NR6A1: variants seen among roughly 807,000 people sequenced by gnomAD.
NR6A1 encodes nuclear receptor subfamily 6 group A member 1.
A neutral mutation model predicts 59.1 loss-of-function variants in NR6A1; 7 were observed. That is an observed-to-expected ratio of 0.12 (90% CI 0.07 to 0.22). NR6A1 has a LOEUF of 0.22. Among genes scored for constraint, NR6A1 ranks in the 10% least tolerant of loss-of-function variants. NR6A1 has a pLI of 1.00. For synonymous variants in NR6A1, 243 were observed against 236.1 expected (o/e 1.03, Z -0.27); for missense variants, 468 against 611.6 (o/e 0.77, Z 2.48).
Position 124,602,776 on chromosome 9 carries a change from C to T in NR6A1, c.143-48206G>A, listed in dbSNP as rs564005040. Among the ~76,000 whole-genome samples the T allele has an allele frequency of 3.9e-5, 6 of 152,284 alleles. No homozygotes were observed. The East Asian group carries it at 9.7e-4, about 24-fold the overall frequency. On this transcript the variant is annotated intron_variant, in intron 2 of 9. Coordinates refer to ENST00000487099, the MANE Select transcript of NR6A1 (RefSeq NM_033334.4). ...AGTGTGGCATGATCTCATTGAGTCC[C>T]ATCAGTGGTTCCCAGGAACCTATGG...
intron 1 of NR6A1, among the ~76,000 whole-genome samples, chr9:124,741,848 T>G (rs765834109): frequency 3.5e-4 from 54 of 152,180 alleles, no homozygotes; most frequent in Non-Finnish European, 2.1e-4. Context: ...CTGTCGATTA[T>G]GAGTACTCAA....
intron 2 of NR6A1, among the ~76,000 whole-genome samples, chr9:124,716,112 G>A: frequency 6.6e-6 from 1 of 152,164 alleles, no homozygotes; most frequent in East Asian, 1.9e-4. Flanking sequence ...GCTGAGGCAG[G>A]AGGATTGCTT....
At chr9:124,750,787 A>T (rs934894402) in intron 1 of NR6A1, among the ~76,000 whole-genome samples, 2 of 152,014 alleles carry the variant, frequency 1.3e-5, no homozygotes, top group Non-Finnish European at 2.9e-5. Context: ...AATAAATAAA[A>T]ATCATGACCA....
chr9:124,556,018 T>C (rs1212764716), intron 2 of NR6A1, among the ~76,000 whole-genome samples: 1 of 152,246 alleles, frequency 6.6e-6, no homozygotes, highest in Admixed American at 6.5e-5. Context: ...TCTGGAGCCC[T>C]TAATATATGC....
At chr9:124,625,838 A>G (rs894572739) in intron 2 of NR6A1, among the ~76,000 whole-genome samples, 4 of 152,132 alleles carry the variant, frequency 2.6e-5, no homozygotes, top group Non-Finnish European at 4.4e-5. Context: ...ACAGAACAAA[A>G]AGACCAGCCT....
intron 2 of NR6A1, among the ~76,000 whole-genome samples, chr9:124,718,300 G>A (rs2131088482): frequency 6.6e-6 from 1 of 152,322 alleles, no homozygotes; most frequent in East Asian, 1.9e-4. Flanking sequence ...CAAGCCTCAA[G>A]CCTGACACTG....
intron 2 of NR6A1, among the ~76,000 whole-genome samples, chr9:124,729,651 T>C (rs912432948): frequency 2.0e-5 from 3 of 152,152 alleles, no homozygotes; most frequent in Non-Finnish European, 4.4e-5. Flanking sequence ...TCTTTCCCAG[T>C]CAGAATTCCC....
chr9:124,692,792 T>A (rs1265307472), intron 2 of NR6A1, among the ~76,000 whole-genome samples: 1 of 152,256 alleles, frequency 6.6e-6, no homozygotes, highest in Non-Finnish European at 1.5e-5. Context: ...CCTACATGTC[T>A]CCTAGATATG....
chr9:124,582,254 C>A (rs933101302), intron 2 of NR6A1, among the ~76,000 whole-genome samples: 1 of 151,834 alleles, frequency 6.6e-6, no homozygotes, highest in Non-Finnish European at 1.5e-5. Flanking sequence ...TAAAAAAGAA[C>A]AAGATCTGCA....
intron 2 of NR6A1, among the ~76,000 whole-genome samples, chr9:124,641,202 TAA>T (rs1279383939): frequency 6.6e-6 from 1 of 151,052 alleles, no homozygotes; most frequent in Non-Finnish European, 1.5e-5. Flanking sequence ...AAAATAAAAA[TAA>T]AAAAATTAGC....
At chr9:124,742,887 A>C (rs1458347523) in intron 1 of NR6A1, among the ~76,000 whole-genome samples, 2 of 152,344 alleles carry the variant, frequency 1.3e-5, no homozygotes, top group African/African-American at 4.8e-5. Context: ...AAAATAAAAA[A>C]TAAATTAAAA....
chr9:124,540,458 CTA>C (rs1833411375), intron 4 of NR6A1, among the ~76,000 whole-genome samples: 1 of 152,112 alleles, frequency 6.6e-6, no homozygotes, highest in African/African-American at 2.4e-5. Flanking sequence ...GTCCTTGAGG[CTA>C]TTCTTTCCTA....
At chr9:124,580,353 G>A (rs1445133093) in intron 2 of NR6A1, among the ~76,000 whole-genome samples, 3 of 152,134 alleles carry the variant, frequency 2.0e-5, no homozygotes, top group Middle Eastern at 3.4e-3. Flanking sequence ...AGGGAACAGG[G>A]AACAGATCTG....
chr9:124,530,562 C>T (rs1459135956), intron 7 of NR6A1, among the ~76,000 whole-genome samples: 3 of 152,188 alleles, frequency 2.0e-5, no homozygotes, highest in Non-Finnish European at 2.9e-5. Context: ...GGAAAACATT[C>T]CTGCCAGGAT....
intron 2 of NR6A1, among the ~76,000 whole-genome samples, chr9:124,584,113 T>G (rs1225955825): frequency 1.3e-5 from 2 of 150,656 alleles, no homozygotes; most frequent in Admixed American, 1.3e-4. Context: ...TTTTTTTTTT[T>G]GAGACAGAGT....
intron 1 of NR6A1, among the ~76,000 whole-genome samples, chr9:124,754,909 C>CTT (rs564590209): frequency 1.7e-4 from 26 of 152,202 alleles, no homozygotes; most frequent in Non-Finnish European, 3.1e-4. Flanking sequence ...ATTCCACATC[C>CTT]TTTTACCACC....
chr9:124,669,763 A>G (rs528063857), intron 2 of NR6A1, among the ~76,000 whole-genome samples: 2 of 152,208 alleles, frequency 1.3e-5, no homozygotes, highest in Admixed American at 1.3e-4. Context: ...TGCCCGGCTA[A>G]TTTTTGTATT....
At chr9:124,757,190 T>C (rs1021726252) in intron 1 of NR6A1, among the ~76,000 whole-genome samples, 8 of 151,986 alleles carry the variant, frequency 5.3e-5, no homozygotes, top group African/African-American at 1.9e-4. Context: ...TGAGGGTACA[T>C]TGAGATAGAC....
chr9:124,730,356 T>C (rs1301105485), intron 2 of NR6A1, among the ~76,000 whole-genome samples: 2 of 152,032 alleles, frequency 1.3e-5, no homozygotes, highest in African/African-American at 2.4e-5. Flanking sequence ...CCTTCTCAAG[T>C]AGGTGGGACC....
Sources: gnomAD v4.1 joint callset for allele counts (sites outside exome capture counted in the v4.1 genomes callset) on GRCh38, gnomAD v4.1.1 for gene constraint, MANE v1.5 for transcripts, NCBI Gene and HGNC (gene_info 2026-07-23, HGNC 2026-07-21) for gene names.